Variants in NRXN1 observed in about 807,000 individuals in gnomAD.
The protein encoded by NRXN1 is neurexin-1.
A neutral mutation model predicts 150.9 loss-of-function variants in NRXN1; 39 were observed. The ratio of observed to expected loss-of-function variants is 0.26; its 90% confidence interval spans 0.20 to 0.34. The LOEUF is 0.34. NRXN1 is among the 10% of genes least tolerant of loss of function. The probability of loss-of-function intolerance (pLI) is 1.00; values close to 1 mark genes in which losing one functional copy is unlikely to be tolerated. For synonymous variants in NRXN1, 924 were observed against 757.0 expected (o/e 1.22, Z -3.62); for missense variants, 1,815 against 1,949.9 (o/e 0.93, Z 1.30).
At chr2:50,461,214 T>C (rs944678715) in intron 17 of NRXN1, among the ~76,000 whole-genome samples, 5 of 151,956 alleles carry the variant, frequency 3.3e-5, no homozygotes, top group African/African-American at 7.2e-5. Context: ...ATATGAAAGA[T>C]ACAATAAATT....
At chr2:50,943,268 A>G (rs1689775380) in intron 2 of NRXN1, among the ~76,000 whole-genome samples, 1 of 152,202 alleles carries the variant, frequency 6.6e-6, no homozygotes, top group East Asian at 1.9e-4. Context: ...CAGTGTAAAA[A>G]TAAACTAATA....
chr2:49,992,453 G>A (rs1363030), intron 21 of NRXN1, among the ~76,000 whole-genome samples: 70,195 of 151,604 alleles, frequency 0.46, 16,964 homozygotes, highest in Middle Eastern at 0.61. Context: ...GGTGGTGTAT[G>A]CCTATAGTCC....
At chr2:50,537,878 G>C (rs2093300954) in intron 10 of NRXN1, among the ~76,000 whole-genome samples, 1 of 152,122 alleles carries the variant, frequency 6.6e-6, no homozygotes, top group Non-Finnish European at 1.5e-5. Flanking sequence ...CTTAGCATGG[G>C]TATTAGCACT....
intron 5 of NRXN1, among the ~76,000 whole-genome samples, chr2:50,853,862 G>C (rs746821684): frequency 4.6e-5 from 7 of 152,146 alleles, no homozygotes; most frequent in South Asian, 2.1e-4. Context: ...TAATTAAAGA[G>C]AAAACAGTAC....
chr2:50,479,776 T>C (rs1381181916), intron 15 of NRXN1, among the ~76,000 whole-genome samples: 1 of 130,832 alleles, frequency 7.6e-6, no homozygotes, highest in Non-Finnish European at 1.6e-5. Flanking sequence ...TCTTTTTTTT[T>C]TTTTTTTTTT....
chr2:50,228,507 G>A (rs2064624368), intron 18 of NRXN1, among the ~76,000 whole-genome samples: 1 of 151,974 alleles, frequency 6.6e-6, no homozygotes, highest in Non-Finnish European at 1.5e-5. Context: ...TCGCCTGTGA[G>A]ACACCCAGGT....
intron 5 of NRXN1, among the ~76,000 whole-genome samples, chr2:50,707,277 G>A (rs934531161): frequency 6.6e-6 from 1 of 152,270 alleles, no homozygotes. Flanking sequence ...AGGTGCACTT[G>A]TCTTTTGAAT....
At chr2:50,048,691 C>T (rs1038730309) in intron 21 of NRXN1, among the ~76,000 whole-genome samples, 1 of 152,254 alleles carries the variant, frequency 6.6e-6, no homozygotes, top group Non-Finnish European at 1.5e-5. Flanking sequence ...TCAAATGCTA[C>T]TGACTTTAAT....
chr2:50,976,335 T>C (rs1440430904), intron 2 of NRXN1, among the ~76,000 whole-genome samples: 1 of 152,006 alleles, frequency 6.6e-6, no homozygotes, highest in African/African-American at 2.4e-5. Flanking sequence ...ACCTATTTGC[T>C]TGAATTTTTT....
At chr2:50,443,702 T>C (rs1378912167) in intron 17 of NRXN1, among the ~76,000 whole-genome samples, 2 of 152,170 alleles carry the variant, frequency 1.3e-5, no homozygotes, top group African/African-American at 4.8e-5. Flanking sequence ...ATGCCACTGT[T>C]TGGTTCATTA....
At chr2:50,144,240 A>T (rs1261647990) in intron 18 of NRXN1, among the ~76,000 whole-genome samples, 1 of 151,832 alleles carries the variant, frequency 6.6e-6, no homozygotes, top group Non-Finnish European at 1.5e-5. Flanking sequence ...GGCCACACTG[A>T]TTCAACTGGT....
At chr2:50,013,423 T>G (rs1335922664) in intron 21 of NRXN1, among the ~76,000 whole-genome samples, 1 of 152,078 alleles carries the variant, frequency 6.6e-6, no homozygotes, top group Non-Finnish European at 1.5e-5. Context: ...AATTGACCTC[T>G]TGAATTGTTG....
chr2:50,880,632 G>A (rs1047028611), intron 5 of NRXN1, among the ~76,000 whole-genome samples: 2 of 151,814 alleles, frequency 1.3e-5, no homozygotes, highest in Admixed American at 1.3e-4. Flanking sequence ...ACTCCAAATG[G>A]CCAACAATTT....
At chr2:50,971,060 G>T (rs1694912863) in intron 2 of NRXN1, among the ~76,000 whole-genome samples, 1 of 152,020 alleles carries the variant, frequency 6.6e-6, no homozygotes, top group African/African-American at 2.4e-5. Context: ...TGACTTAAAA[G>T]GGTCTATCTA....
At chr2:50,876,123 C>A (rs1678556283) in intron 5 of NRXN1, among the ~76,000 whole-genome samples, 1 of 151,812 alleles carries the variant, frequency 6.6e-6, no homozygotes, top group South Asian at 2.1e-4. Flanking sequence ...TTAAGACGGG[C>A]AGGCATGATC....
chr2:50,872,780 T>C (rs1269947159), intron 5 of NRXN1, among the ~76,000 whole-genome samples: 1 of 151,658 alleles, frequency 6.6e-6, no homozygotes, highest in African/African-American at 2.4e-5. Context: ...AAACAAGATC[T>C]TGTCTCTACA....
intron 2 of NRXN1, among the ~76,000 whole-genome samples, chr2:50,998,063 GA>G (rs1202767682): frequency 1.4e-5 from 2 of 141,464 alleles, no homozygotes; most frequent in African/African-American, 5.9e-5. Context: ...GCAGCAAGAT[GA>G]CGACAGACCA....
chr2:50,593,601 C>A (rs1032175641), intron 8 of NRXN1, among the ~76,000 whole-genome samples: 1 of 152,130 alleles, frequency 6.6e-6, no homozygotes, highest in African/African-American at 2.4e-5. Context: ...CTGATCCCTG[C>A]AGTTAGTGTT....
intron 2 of NRXN1, among the ~76,000 whole-genome samples, chr2:51,013,204 C>T (rs1306165826): frequency 2.6e-5 from 4 of 151,936 alleles, no homozygotes; most frequent in African/African-American, 9.7e-5. Flanking sequence ...AGCTCAACAA[C>T]GTTTAAGGAA....
Sources: allele counts gnomAD v4.1 joint callset (sites outside exome capture counted in the v4.1 genomes callset), GRCh38; gene constraint gnomAD v4.1.1; transcripts MANE v1.5; gene names NCBI Gene and HGNC (gene_info 2026-07-23, HGNC 2026-07-21).